Variants in HYDIN observed in about 807,000 individuals in gnomAD.
The protein encoded by HYDIN is axonemal central pair apparatus protein HYDIN.
HYDIN carries 132 observed loss-of-function variants against 403.9 expected under a neutral mutation model. The observed-to-expected ratio is 0.33, with a 90% CI of 0.28 to 0.38. The LOEUF is 0.38. Among genes scored for constraint, HYDIN ranks in the 10% least tolerant of loss-of-function variants. The probability of loss-of-function intolerance (pLI) is 1.00; values close to 1 mark genes in which losing one functional copy is unlikely to be tolerated. For missense variants in HYDIN, 2,827 were observed against 5,009.5 expected (o/e 0.56, Z 13.15); for synonymous variants, 1,202 against 1,891.7 (o/e 0.64, Z 9.46).
chr16:70,900,736 C>CATTT (rs2076347264), intron 53 of HYDIN, among the ~76,000 whole-genome samples: 1 of 151,312 alleles, frequency 6.6e-6, no homozygotes. Flanking sequence ...TTCATTCATT[C>CATTT]ATTCATTCAT....
intron 13 of HYDIN, among the ~76,000 whole-genome samples, chr16:71,070,562 C>G (rs1343213074): frequency 7.4e-6 from 1 of 135,180 alleles, no homozygotes; most frequent in Admixed American, 7.6e-5. Flanking sequence ...CTCTTGACCT[C>G]AGGTGATCCA....
At chr16:71,128,520 T>C (rs573846295) in intron 9 of HYDIN, among the ~76,000 whole-genome samples, 1 of 152,200 alleles carries the variant, frequency 6.6e-6, no homozygotes, top group Non-Finnish European at 1.5e-5. Context: ...CTGTATCTGA[T>C]TTAAATGGCA....
At chr16:70,902,036 C>A (rs2502697) in intron 52 of HYDIN, among the ~76,000 whole-genome samples, 10 of 150,516 alleles carry the variant, frequency 6.6e-5, no homozygotes, top group Non-Finnish European at 1.2e-4. Flanking sequence ...CAGACCCACC[C>A]AGTTCAAACC....
chr16:71,026,852 G>A (rs1231300081), intron 20 of HYDIN, among the ~76,000 whole-genome samples: 1 of 152,078 alleles, frequency 6.6e-6, no homozygotes, highest in East Asian at 1.9e-4. Flanking sequence ...ATTTAATGTG[G>A]GGAAAAGTCA....
chr16:71,024,889 C>T (rs1402091974), intron 21 of HYDIN, among the ~76,000 whole-genome samples: 9 of 152,200 alleles, frequency 5.9e-5, no homozygotes, highest in Admixed American at 6.5e-5. Context: ...GTGTGCATCA[C>T]ATCACACGTC....
At chr16:71,059,409 T>C (rs1180572977) in intron 18 of HYDIN, among the ~76,000 whole-genome samples, 2 of 152,234 alleles carry the variant, frequency 1.3e-5, no homozygotes, top group African/African-American at 2.4e-5. Flanking sequence ...CTTTTCCCCA[T>C]TGCTTTTGTC....
At position 70,968,513 on chromosome 16, in the gene HYDIN, AG is replaced by A. The variant is rs537627233; in HGVS notation, c.5619+2006del. Among the ~76,000 whole-genome samples the A allele has an allele frequency of 4.0e-5, 6 of 151,898 alleles. No individual in the cohort carries two copies. In the East Asian group the frequency reaches 7.8e-4, roughly 20 times the overall value. On this transcript the variant is annotated intron_variant, in intron 36 of 85. Transcript: ENST00000393567. The stretch of plus-strand genomic sequence containing the variant: ...CTCCCAGCCAGGAAGGTATCAATGG[AG>A]GCCTTGCGGAGAGCCAGAAATACCA...
intron 73 of HYDIN, among the ~76,000 whole-genome samples, chr16:70,854,557 G>A (rs1187688649): frequency 2.0e-5 from 3 of 151,218 alleles, no homozygotes; most frequent in African/African-American, 7.3e-5. Context: ...TGGGATTACA[G>A]GCGCCCGCCA....
chr16:71,130,470 G>GTTTTTTTTTT (rs56853905), intron 8 of HYDIN, among the ~76,000 whole-genome samples: 1 of 75,786 alleles, frequency 1.3e-5, no homozygotes, highest in Non-Finnish European at 2.6e-5. Flanking sequence ...ATATATACCG[G>GTTTTTTTTTT]TTTTTTTTTT....
intron 7 of HYDIN, among the ~76,000 whole-genome samples, chr16:71,151,016 T>G (rs531902798): frequency 6.6e-6 from 1 of 152,296 alleles, no homozygotes; most frequent in South Asian, 2.1e-4. Flanking sequence ...ACCACTAGTA[T>G]GTCTAAAATT....
intron 13 of HYDIN, among the ~76,000 whole-genome samples, chr16:71,071,270 A>G (rs1446879981): frequency 2.0e-5 from 3 of 148,902 alleles, no homozygotes; most frequent in Non-Finnish European, 3.0e-5. Context: ...AGTTACAACA[A>G]TTTCTTGTAC....
intron 35 of HYDIN, among the ~76,000 whole-genome samples, chr16:70,971,428 C>T (rs904296493): frequency 2.0e-4 from 30 of 152,092 alleles, no homozygotes; most frequent in Non-Finnish European, 2.2e-4. Flanking sequence ...ACATTGCATC[C>T]CATAGTTCCT....
chr16:71,164,175 GAGTCTTGATTAATGAAA>G (rs1162616416), intron 5 of HYDIN, among the ~76,000 whole-genome samples: 2 of 125,342 alleles, frequency 1.6e-5, no homozygotes, highest in Non-Finnish European at 1.7e-5. Flanking sequence ...TAGCTGCAAG[GAGTCTTGATTAATGAAA>G]AGTCATTTTG....
At chr16:71,116,437 A>G (rs1451905288) in intron 9 of HYDIN, among the ~76,000 whole-genome samples, 1 of 152,162 alleles carries the variant, frequency 6.6e-6, no homozygotes, top group Admixed American at 6.5e-5. Context: ...CTGTCGCTGG[A>G]CACTTCGGTT....
At chr16:71,163,597 T>G (rs1287934333) in intron 5 of HYDIN, among the ~76,000 whole-genome samples, 2 of 152,178 alleles carry the variant, frequency 1.3e-5, no homozygotes, top group African/African-American at 4.8e-5. Context: ...TACCCAGTCT[T>G]GTTCTTGGAA....
chr16:70,810,212 A>T (rs1300301327), intron 84 of HYDIN, among the ~76,000 whole-genome samples: 1 of 152,118 alleles, frequency 6.6e-6, no homozygotes, highest in East Asian at 1.9e-4. Flanking sequence ...AGGTGATTCT[A>T]TATCTGGGAT....
At position 71,176,922 on chromosome 16, in the gene HYDIN, C is replaced by T. The variant is rs188667951; in HGVS notation, c.382-1181G>A. On this transcript the variant is annotated intron_variant, in intron 4 of 85. Transcript: ENST00000393567. The stretch of plus-strand genomic sequence containing the variant: ...GCAAATAAAAGGTGAAAGCATTTCT[C>T]GGGGCCCCAAATCTCTCCCCATGGT... Among the ~76,000 whole-genome samples the T allele has an allele frequency of 2.1e-3, 318 of 152,278 alleles. 1 individual carries two copies. Among genetic ancestry groups the T allele is most frequent in the Non-Finnish European group, 2.9e-3 (199 of 68,024 alleles).
intron 58 of HYDIN, among the ~76,000 whole-genome samples, chr16:70,886,187 C>T (rs1489521919): frequency 9.2e-5 from 14 of 151,978 alleles, no homozygotes; most frequent in African/African-American, 1.9e-4. Context: ...CACAGCTACC[C>T]GGAACAGCAA....
At chr16:70,914,396 T>G (rs1487528106) in intron 47 of HYDIN, among the ~76,000 whole-genome samples, 1 of 151,964 alleles carries the variant, frequency 6.6e-6, no homozygotes, top group African/African-American at 2.4e-5. Flanking sequence ...TCATATACGA[T>G]GCTTAGTTTT....
Sources: gnomAD v4.1 joint callset for allele counts (sites outside exome capture counted in the v4.1 genomes callset) on GRCh38, gnomAD v4.1.1 for gene constraint, MANE v1.5 for transcripts, NCBI Gene and HGNC (gene_info 2026-07-23, HGNC 2026-07-21) for gene names.